Variants in CACUL1 observed in about 807,000 individuals in gnomAD.
CACUL1 encodes the protein CDK2 associated cullin domain 1.
Under a neutral mutation model 45.2 loss-of-function variants are expected in CACUL1, and 13 were observed. That is an observed-to-expected ratio of 0.29 (90% CI 0.19 to 0.46). The LOEUF is 0.46. CACUL1 is among the 20% of genes least tolerant of loss of function. The pLI is 1.00. For synonymous variants in CACUL1, 197 were observed against 174.2 expected (o/e 1.13, Z -1.03); for missense variants, 421 against 471.4 (o/e 0.89, Z 0.99).
At chr10:118,744,151 C>T (rs911334127) in intron 1 of CACUL1, among the ~76,000 whole-genome samples, 5 of 152,078 alleles carry the variant, frequency 3.3e-5, no homozygotes, top group Non-Finnish European at 7.4e-5. Context: ...TTTGGGAGGC[C>T]GAGGAGGGTG....
intron 3 of CACUL1, among the ~76,000 whole-genome samples, chr10:118,713,861 T>A (rs1205173939): frequency 6.6e-6 from 1 of 152,212 alleles, no homozygotes; most frequent in East Asian, 1.9e-4. Flanking sequence ...TAACTTTTGG[T>A]CTCTGGAAAC....
At chr10:118,733,710 A>AC (rs1023162992) in intron 1 of CACUL1, among the ~76,000 whole-genome samples, 11 of 152,268 alleles carry the variant, frequency 7.2e-5, no homozygotes, top group African/African-American at 2.6e-4. Flanking sequence ...AAAAGCTTAC[A>AC]CTCACCAAAA....
chr10:118,738,711 C>A (rs1845763007), intron 1 of CACUL1, among the ~76,000 whole-genome samples: 1 of 151,766 alleles, frequency 6.6e-6, no homozygotes, highest in Admixed American at 6.6e-5. Context: ...GGATAGACAA[C>A]TAAGAATCAC....
At chr10:118,688,414 G>GACTT (rs1845229145) in intron 7 of CACUL1, among the ~76,000 whole-genome samples, 2 of 152,276 alleles carry the variant, frequency 1.3e-5, no homozygotes, top group Admixed American at 1.3e-4. Flanking sequence ...CTGGAACCTC[G>GACTT]ACTTATAGAC....
chr10:118,754,767 C>A lies in CACUL1; in HGVS notation c.-5G>T. On this transcript the variant is annotated 5_prime_UTR_variant, in exon 1 of 9. Coordinates refer to ENST00000369151, the MANE Select transcript of CACUL1 (RefSeq NM_153810.5). Reference sequence around the variant, plus strand: ...CTCTTCCATGCTTTCCTCCATCCTGCTGGCCCCCGGCACCCGCCCGCCTCA... The same window carrying A: ...CTCTTCCATGCTTTCCTCCATCCTGATGGCCCCCGGCACCCGCCCGCCTCA... 1.3e-6 allele frequency: 2 copies of A among 1,551,724 alleles called. No homozygotes were observed. Among genetic ancestry groups the A allele is most frequent in the Non-Finnish European group, 1.7e-6 (2 of 1,153,644 alleles).
chr10:118,694,726 C>G (rs1845303487), intron 6 of CACUL1, among the ~76,000 whole-genome samples: 1 of 152,166 alleles, frequency 6.6e-6, no homozygotes, highest in African/African-American at 2.4e-5. Context: ...AACATCCTTA[C>G]AAAATGACTG....
intron 1 of CACUL1, among the ~76,000 whole-genome samples, chr10:118,737,349 TAGTC>T (rs1228872755): frequency 6.6e-6 from 1 of 152,220 alleles, no homozygotes; most frequent in Non-Finnish European, 1.5e-5. Context: ...GATCATGAGT[TAGTC>T]ATTCCTCAGT....
intron 1 of CACUL1, among the ~76,000 whole-genome samples, chr10:118,736,175 G>A (rs1022188556): frequency 9.9e-5 from 15 of 152,068 alleles, no homozygotes; most frequent in Admixed American, 5.2e-4. Context: ...TAAAGAAGAG[G>A]AATGGTCATA....
intron 1 of CACUL1, among the ~76,000 whole-genome samples, chr10:118,747,605 A>C (rs1228974515): frequency 6.6e-6 from 1 of 152,060 alleles, no homozygotes; most frequent in African/African-American, 2.4e-5. Flanking sequence ...TCAGTCAGAA[A>C]AATGAATAAG....
In CACUL1 at chr10:118,678,221, G is replaced by C. The variant is rs1845116223; in HGVS notation, c.*7907C>G. 1 of 152,076 alleles carries C rather than the reference G, an allele frequency of 6.6e-6. No homozygotes were observed. Among genetic ancestry groups the C allele is most frequent in the Non-Finnish European group, 1.5e-5 (1 of 68,002 alleles). 9.4% of individuals were successfully genotyped at this position (152,076 alleles called of 1,614,324 possible). A position where few individuals can be genotyped will look rare whatever the true frequency, so the allele number is the denominator to read the frequency against. ...TTTAGCAGTTATATTATGAATATTT[G>C]TATCTTATTCCAGATTTGGCTTCTC... On this transcript the variant is annotated 3_prime_UTR_variant, in exon 9 of 9. Transcript: ENST00000369151.
At chr10:118,694,596 T>G (rs960658456) in intron 6 of CACUL1, among the ~76,000 whole-genome samples, 1 of 152,236 alleles carries the variant, frequency 6.6e-6, no homozygotes, top group Non-Finnish European at 1.5e-5. Context: ...TTGGGATTCC[T>G]TTAAATTTAT....
intron 5 of CACUL1, among the ~76,000 whole-genome samples, chr10:118,700,716 C>CAAAAAAAAAAAAAAAAAAAAAAAAAAAA (rs59032746): frequency 7.5e-6 from 1 of 132,946 alleles, no homozygotes; most frequent in African/African-American, 3.2e-5. Flanking sequence ...GACTCCGTCT[C>CAAAAAAAAAAAAAAAAAAAAAAAAAAAA]AAAAAAAAAA....
chr10:118,726,202 T>C (rs894730504), intron 3 of CACUL1: 2 of 647,116 alleles, frequency 3.1e-6, no homozygotes, highest in Non-Finnish European at 4.8e-6. Flanking sequence ...CCATGAAAAC[T>C]GCCTTAAGGT....
rs551432416 is a variant in CACUL1, at chr10:118,708,449, G to T, written c.598-862C>A. ...ATGACCCATATACACCTTCAGCTCTGTAGAGCAGTAAAACACAATGCATTC... is the reference window on the plus strand; with the variant it reads ...ATGACCCATATACACCTTCAGCTCTTTAGAGCAGTAAAACACAATGCATTC... On this transcript the variant is annotated intron_variant, in intron 3 of 8. Coordinates refer to ENST00000369151, the MANE Select transcript of CACUL1 (RefSeq NM_153810.5). Among the ~76,000 whole-genome samples the T allele has an allele frequency of 6.2e-4, 94 of 152,220 alleles. No individual in the cohort carries two copies. The South Asian group carries it at 0.015, about 25-fold the overall frequency.
intron 6 of CACUL1, among the ~76,000 whole-genome samples, chr10:118,691,995 A>T (rs983328417): frequency 1.3e-5 from 2 of 152,132 alleles, no homozygotes; most frequent in South Asian, 4.1e-4. Flanking sequence ...ACAGAAAATT[A>T]TAAGTATGGA....
At chr10:118,708,180 G>A (rs1169115847) in intron 3 of CACUL1, among the ~76,000 whole-genome samples, 3 of 144,744 alleles carry the variant, frequency 2.1e-5, no homozygotes, top group Non-Finnish European at 4.5e-5. Context: ...TGCACTCAAC[G>A]ATAAATGATT....
chr10:118,713,570 T>C (rs1845513346), intron 3 of CACUL1, among the ~76,000 whole-genome samples: 1 of 152,256 alleles, frequency 6.6e-6, no homozygotes, highest in Admixed American at 6.5e-5. Flanking sequence ...TTTTGTAATA[T>C]AACTGTGTGA....
chr10:118,741,396 C>G (rs1020088911), intron 1 of CACUL1, among the ~76,000 whole-genome samples: 1 of 151,934 alleles, frequency 6.6e-6, no homozygotes, highest in East Asian at 1.9e-4. Flanking sequence ...TGAGAAAATG[C>G]AGAATTTACC....
intron 3 of CACUL1, among the ~76,000 whole-genome samples, chr10:118,716,026 G>A (rs1451629922): frequency 6.6e-6 from 1 of 152,140 alleles, no homozygotes; most frequent in Non-Finnish European, 1.5e-5. Context: ...CACGAGGTCA[G>A]GAGGTCGAGA....
Sources: gnomAD v4.1 joint callset for allele counts (sites outside exome capture counted in the v4.1 genomes callset) on GRCh38, gnomAD v4.1.1 for gene constraint, MANE v1.5 for transcripts, NCBI Gene and HGNC (gene_info 2026-07-23, HGNC 2026-07-21) for gene names.